CEP63: variants seen among roughly 807,000 people sequenced by gnomAD.
CEP63 encodes the protein centrosomal protein of 63 kDa.
Under a neutral mutation model 89.1 loss-of-function variants are expected in CEP63, and 84 were observed. The observed-to-expected ratio is 0.94, with a 90% CI of 0.79 to 1.13. The LOEUF is 1.13. CEP63 is among the 50% of genes most tolerant of loss of function. The pLI is 0.00. For synonymous variants in CEP63, 267 were observed against 272.5 expected, an observed-to-expected ratio of 0.98 and a Z score of 0.20; for missense variants, 838 against 813.3, an observed-to-expected ratio of 1.03 and a Z score of -0.37.
the CEP63 span, among the ~76,000 whole-genome samples, chr3:134,655,985 T>C: frequency 1.3e-5 from 2 of 152,080 alleles, no homozygotes; most frequent in Non-Finnish European, 2.9e-5. Flanking sequence ...GGAGAGGAAG[T>C]GTGTTGTGAT....
At chr3:134,604,419 G>A in the CEP63 span, 9 of 1,613,826 alleles carry the variant, frequency 5.6e-6, no homozygotes, top group Admixed American at 1.2e-4. Flanking sequence ...CATTGAGCAT[G>A]AACATGAACA....
the CEP63 span, among the ~76,000 whole-genome samples, chr3:134,767,421 A>C: frequency 1.3e-5 from 2 of 152,164 alleles, no homozygotes; most frequent in Non-Finnish European, 1.5e-5. Flanking sequence ...ATGGAAAGTA[A>C]GTGTTCTGGC....
intron 13 of CEP63, 85 bp from the exon 14 acceptor site, chr3:134,559,065 A>G (rs1421739818): frequency 8.5e-6 from 12 of 1,418,268 alleles, no homozygotes; most frequent in South Asian, 3.6e-5. Flanking sequence ...TAGTTAGGCT[A>G]TTAAGCAAAT....
downstream of CEP63, among the ~76,000 whole-genome samples, chr3:134,589,285 T>TA (rs1309720466): frequency 3.3e-5 from 5 of 152,204 alleles, no homozygotes; most frequent in Admixed American, 3.3e-4. Context: ...ATATAGATGT[T>TA]AAAGCCCTAA....
At chr3:134,510,504 T>C (rs1944591436) in intron 3 of CEP63, 2 of 365,020 alleles carry the variant, frequency 5.5e-6, no homozygotes, top group Non-Finnish European at 1.1e-5. Flanking sequence ...TTACCATATA[T>C]GTGCCTTTTT....
At chr3:134,740,266 T>A in the CEP63 span, among the ~76,000 whole-genome samples, 3 of 140,860 alleles carry the variant, frequency 2.1e-5, no homozygotes, top group African/African-American at 5.2e-5. Flanking sequence ...TATTCTTTTC[T>A]TTTATTTATT....
the CEP63 span, among the ~76,000 whole-genome samples, chr3:134,649,074 G>C: frequency 6.6e-6 from 1 of 152,168 alleles, no homozygotes; most frequent in Non-Finnish European, 1.5e-5. Flanking sequence ...TGCCCACCAG[G>C]CATCAAAAGC....
At chr3:134,739,701 T>C in the CEP63 span, among the ~76,000 whole-genome samples, 10 of 139,122 alleles carry the variant, frequency 7.2e-5, 1 homozygote, top group Non-Finnish European at 1.3e-4. Context: ...AAATCAATGC[T>C]TGTTTTTTTT....
intron 1 of CEP63, chr3:134,486,671 T>G (rs1464866274): frequency 2.4e-6 from 1 of 414,288 alleles, no homozygotes; most frequent in Non-Finnish European, 3.2e-6. Flanking sequence ...CTAGCGCTGT[T>G]GGGACTACTT....
the CEP63 span, among the ~76,000 whole-genome samples, chr3:134,636,422 A>G: frequency 6.6e-6 from 1 of 152,244 alleles, no homozygotes; most frequent in Non-Finnish European, 1.5e-5. Flanking sequence ...GATGTTGCAC[A>G]AATTCTGAGC....
the CEP63 span, among the ~76,000 whole-genome samples, chr3:134,680,311 G>A: frequency 2.6e-5 from 4 of 152,182 alleles, no homozygotes; most frequent in Non-Finnish European, 5.9e-5. Context: ...ATTCACTTAT[G>A]TTCAGTTTTT....
intron 2 of CEP63, 58 bp downstream of exon 2, chr3:134,495,422 A>G (rs145823915): frequency 7.0e-5 from 77 of 1,098,108 alleles, no homozygotes; most frequent in African/African-American, 2.5e-4. Flanking sequence ...ACATATTTAT[A>G]GGGTTCACAT....
chr3:134,711,649 A>T, the CEP63 span, among the ~76,000 whole-genome samples: 2 of 152,100 alleles, frequency 1.3e-5, no homozygotes, highest in African/African-American at 4.8e-5. Context: ...TGCCCATTTA[A>T]ATATCGTATT....
the CEP63 span, among the ~76,000 whole-genome samples, chr3:134,664,614 C>G: frequency 6.6e-6 from 1 of 151,926 alleles, no homozygotes; most frequent in Non-Finnish European, 1.5e-5. Context: ...CATTTGTTTG[C>G]GTTTTCCTAG....
intron 9 of CEP63, among the ~76,000 whole-genome samples, chr3:134,547,674 A>C (rs530458123): frequency 7.6e-6 from 1 of 132,342 alleles, no homozygotes; most frequent in East Asian, 2.5e-4. Context: ...GCAATGGCAC[A>C]ATCTCAGCTC....
At chr3:134,623,158 C>T in the CEP63 span, among the ~76,000 whole-genome samples, 2 of 152,216 alleles carry the variant, frequency 1.3e-5, no homozygotes, top group Non-Finnish European at 2.9e-5. Flanking sequence ...CCTTTGGTCC[C>T]CACCTCCTGG....
At chr3:134,595,270 T>A in the CEP63 span, among the ~76,000 whole-genome samples, 1 of 152,228 alleles carries the variant, frequency 6.6e-6, no homozygotes, top group Non-Finnish European at 1.5e-5. Context: ...GCTCAGCACT[T>A]TTCCTTGCTG....
intron 1 of CEP63, among the ~76,000 whole-genome samples, chr3:134,490,010 A>C (rs74970993): frequency 0.015 from 2,224 of 152,222 alleles, 28 homozygotes; most frequent in Non-Finnish European, 0.023. Flanking sequence ...TCTGGTAAAT[A>C]ATTTTCCTGG....
chr3:134,738,801 C>CAT, the CEP63 span, among the ~76,000 whole-genome samples: 3 of 152,152 alleles, frequency 2.0e-5, no homozygotes, highest in African/African-American at 7.2e-5. Context: ...ACTTAGAAGA[C>CAT]ATATAACCTA....
Sources: gnomAD v4.1 joint callset for allele counts (sites outside exome capture counted in the v4.1 genomes callset) on GRCh38, gnomAD v4.1.1 for gene constraint, MANE v1.5 for transcripts, NCBI Gene and HGNC (gene_info 2026-07-23, HGNC 2026-07-21) for gene names.